AK9: variants seen among roughly 807,000 people sequenced by gnomAD.
AK9 encodes adenylate kinase 9, also known as adenylate kinase domain containing 1.
AK9 carries 191 observed loss-of-function variants against 239.6 expected under a neutral mutation model. The ratio of observed to expected loss-of-function variants is 0.80; its 90% CI spans 0.71 to 0.90. The LOEUF (loss-of-function observed/expected upper bound fraction) is 0.90. Ranked by LOEUF, AK9 falls within the 40% of genes least tolerant of loss-of-function variation. The pLI is 0.00. For synonymous variants in AK9, 689 were observed against 721.0 expected (o/e 0.96, Z 0.71); for missense variants, 1,995 against 2,214.7 (o/e 0.90, Z 1.99).
At position 109,668,040 on chromosome 6, in the gene AK9, C is replaced by T. The variant is rs910950382; in HGVS notation, c.331+3879G>A. ...CAACAATGTAAAAGTGTTCCTATTT[C>T]GCCACATCCTCTCCAGCACCTGTTG... On this transcript the variant is annotated intron_variant, in intron 5 of 40. Coordinates refer to ENST00000424296, the MANE Select transcript of AK9 (RefSeq NM_001145128.3). Among the ~76,000 whole-genome samples, 13 of 152,186 alleles carry T rather than the reference C, an allele frequency of 8.5e-5. 1 individual carries two copies. Among genetic ancestry groups the T allele is most frequent in the Admixed American group, 5.9e-4 (9 of 15,284 alleles).
intron 17 of AK9, among the ~76,000 whole-genome samples, chr6:109,602,193 T>G (rs891196068): frequency 7.9e-5 from 12 of 152,206 alleles, no homozygotes; most frequent in African/African-American, 2.9e-4. Flanking sequence ...ATTTGGCATG[T>G]TTTTGCAGTG....
Position 109,675,585 on chromosome 6 carries a change from T to C in AK9, c.117+44A>G, listed in dbSNP as rs369082320. ...TATGGTAACTTAGAAAATTGTGATTTTAAAAATAAAAAAAATTATACCAAA... is the reference window on the plus strand; with the variant it reads ...TATGGTAACTTAGAAAATTGTGATTCTAAAAATAAAAAAAATTATACCAAA... On this transcript the variant is annotated intron_variant, in intron 2 of 40. Coordinates refer to ENST00000424296, the MANE Select transcript of AK9 (RefSeq NM_001145128.3). The C allele has an allele frequency of 7.6e-5, 95 of 1,242,344 alleles. No individual in the cohort carries two copies. In the African/African-American group the frequency reaches 1.5e-3, roughly 19 times the overall value. The allele number at this position is 1,242,344 out of a possible 1,614,324, so 77.0% of individuals were successfully genotyped here.
chr6:109,497,646 A>G, intron 37 of AK9, 83 bp from the exon 38 acceptor site: 20 of 1,344,186 alleles, frequency 1.5e-5, no homozygotes, highest in Non-Finnish European at 2.1e-5. Flanking sequence ...AAAGTATTTT[A>G]TTTTTCTACC....
intron 17 of AK9, among the ~76,000 whole-genome samples, chr6:109,602,215 T>C (rs1299477409): frequency 6.6e-6 from 1 of 152,202 alleles, no homozygotes; most frequent in Non-Finnish European, 1.5e-5. Context: ...CTGGTACTGG[T>C]TGTTCCTTTC....
chr6:109,612,866 T>C (rs913679413), intron 15 of AK9, among the ~76,000 whole-genome samples: 1 of 150,856 alleles, frequency 6.6e-6, no homozygotes, highest in Admixed American at 6.6e-5. Flanking sequence ...TAAGTTTATA[T>C]ATATAAACTT....
chr6:109,533,376 TAAAAA>T lies in AK9; in HGVS notation c.3440_3444del (p.Val1147AspfsTer4). On this transcript the variant is annotated frameshift_variant, in exon 28 of 41. Transcript: ENST00000424296. LOFTEE classifies it high-confidence loss of function. ...AAAATATCTTGATCATCAACTTGTA[TAAAAA>T]CAGCTGCATCTGGGAAAAATCCACG... is the stretch of plus-strand genomic sequence containing the variant. The T allele has an allele frequency of 6.2e-7, 1 of 1,611,260 alleles. No individual in the cohort carries two copies. The highest frequency in any genetic ancestry group is 8.5e-7 in the Non-Finnish European group (1 of 1,178,736).
At chr6:109,616,327 G>T (rs947061737) in intron 13 of AK9, among the ~76,000 whole-genome samples, 1 of 152,014 alleles carries the variant, frequency 6.6e-6, no homozygotes, top group Non-Finnish European at 1.5e-5. Flanking sequence ...CAAATCAATA[G>T]GTCAAAGGAT....
chr6:109,662,729 T>C (rs1422784027), intron 5 of AK9, 66 bp from the exon 6 acceptor site: 18 of 664,300 alleles, frequency 2.7e-5, no homozygotes, highest in Non-Finnish European at 3.7e-5. Context: ...ATGGATTTAT[T>C]ATATTATATA....
intron 17 of AK9, among the ~76,000 whole-genome samples, chr6:109,595,698 G>A (rs532061657): frequency 1.3e-5 from 2 of 152,212 alleles, no homozygotes; most frequent in East Asian, 3.9e-4. Flanking sequence ...CATGTCCTTT[G>A]CAGTGACATG....
In AK9 at chr6:109,610,485, T is replaced by C; in HGVS notation, c.1722A>G (p.Val574=). Residue 574 remains valine, a synonymous_variant, in exon 17 of 41, where the codon GTA becomes GTG. Transcript: ENST00000424296. ...TCACAACCTCTGGATGATCTGCAGT[T>C]ACCTCTTCTATCAAGTCTTCTGTTG... ...TAPTEDLIEE[V]TADHPEVVTM... The C allele has an allele frequency of 6.4e-7, 1 of 1,551,328 alleles. No homozygotes were observed. Among genetic ancestry groups the C allele is most frequent in the South Asian group, 1.2e-5 (1 of 84,034 alleles).
chr6:109,545,430 C>T (rs954884990), intron 26 of AK9, among the ~76,000 whole-genome samples: 6 of 152,196 alleles, frequency 3.9e-5, no homozygotes, highest in African/African-American at 1.4e-4. Flanking sequence ...GTAATTGAAT[C>T]ATGGGGGCAG....
Position 109,550,262 on chromosome 6 carries a change from T to A in AK9, c.2792A>T (p.Asp931Val). Residue 931 changes from aspartate to valine, a missense_variant, in exon 25 of 41, where the codon GAC (aspartate) becomes GTC (valine). Asp to Val is a radical substitution (Grantham distance 152, BLOSUM62 -3). Coordinates refer to ENST00000424296, the MANE Select transcript of AK9 (RefSeq NM_001145128.3). The stretch of plus-strand genomic sequence containing the variant: ...GACCACCGGACAAAAGTGTTTTGTG[T>A]CTCCCAAATGCCTCTTTCTCTCCTT... ...KMKERKRHLGDTKHFCPVVLK... is the reference protein window; with the variant it reads ...KMKERKRHLGVTKHFCPVVLK... 1 of 1,612,668 alleles carries A rather than the reference T, an allele frequency of 6.2e-7. No individual in the cohort carries two copies. The highest frequency in any genetic ancestry group is 8.5e-7 in the Non-Finnish European group (1 of 1,180,018).
At position 109,514,222 on chromosome 6, in the gene AK9, A is replaced by G. The variant is rs1243610472; in HGVS notation, c.4279+2T>C. On this transcript the variant is annotated splice_donor_variant, in intron 32 of 40. Coordinates refer to ENST00000424296, the MANE Select transcript of AK9 (RefSeq NM_001145128.3). LOFTEE classifies it high-confidence loss of function. ...GGAAAACAAAGGCAAACATACGCTC[A>G]CCTGTAGTTTTCCCAGATTTTGGAG... 6.5e-7 allele frequency: 1 copy of G among 1,548,402 alleles called. No homozygotes were observed. The highest frequency in any genetic ancestry group is 8.7e-7 in the Non-Finnish European group (1 of 1,145,150).
chr6:109,529,177 A>C (rs1780916642), intron 28 of AK9, 104 bp from the exon 29 acceptor site: 1 of 1,291,410 alleles, frequency 7.7e-7, no homozygotes, highest in South Asian at 1.7e-5. Context: ...GTTTGGGCAG[A>C]AGCACAGTGA....
intron 17 of AK9, among the ~76,000 whole-genome samples, chr6:109,589,170 T>A (rs368045939): frequency 2.0e-4 from 31 of 152,302 alleles, no homozygotes; most frequent in African/African-American, 7.2e-4. Flanking sequence ...CTTTCAGTAT[T>A]ATACTCATTT....
chr6:109,575,475 C>A (rs936469295), intron 20 of AK9, among the ~76,000 whole-genome samples: 1 of 152,048 alleles, frequency 6.6e-6, no homozygotes, highest in Admixed American at 6.6e-5. Flanking sequence ...ATTTGTATAT[C>A]TTCTTTTGAG....
chr6:109,622,878 T>C (rs953710919), intron 12 of AK9, among the ~76,000 whole-genome samples: 4 of 152,040 alleles, frequency 2.6e-5, no homozygotes, highest in African/African-American at 9.7e-5. Flanking sequence ...GGTTTGCATA[T>C]GTATTTCCAA....
Position 109,546,145 on chromosome 6 carries a change from TCAGGGAGGGG to T in AK9, c.2965-28_2965-19del. ...GGAGGAGCCTGTCACAGGGGGTGGG[TCAGGGAGGGG>T]TGGGATAAAGGGAGAGTGAAGGAAA... On this transcript the variant is annotated intron_variant, in intron 25 of 40. Coordinates refer to ENST00000424296, the MANE Select transcript of AK9 (RefSeq NM_001145128.3). The T allele has an allele frequency of 1.5e-6, 1 of 689,132 alleles. No homozygotes were observed. The highest frequency in any genetic ancestry group is 2.4e-6 in the Non-Finnish European group (1 of 421,082). The allele number at this position is 689,132 out of a possible 1,614,324, so 42.7% of individuals were successfully genotyped here. A position where few individuals can be genotyped will look rare whatever the true frequency, so the allele number is the denominator to read the frequency against.
intron 8 of AK9, among the ~76,000 whole-genome samples, chr6:109,645,989 C>T (rs1189065130): frequency 6.6e-6 from 1 of 152,222 alleles, no homozygotes; most frequent in African/African-American, 2.4e-5. Context: ...AACAGACCTG[C>T]AGCTGAGGGT....
Sources: gnomAD v4.1 joint callset for allele counts (sites outside exome capture counted in the v4.1 genomes callset) on GRCh38, gnomAD v4.1.1 for gene constraint, MANE v1.5 for transcripts, NCBI Gene and HGNC (gene_info 2026-07-23, HGNC 2026-07-21) for gene names.